KLF8: variants seen among roughly 807,000 people sequenced by gnomAD.
KLF8 encodes the protein Krueppel-like factor 8.
Under a neutral mutation model 18.2 loss-of-function variants are expected in KLF8, and 10 were observed. That is an observed-to-expected ratio of 0.55 (90% CI 0.34 to 0.93). The LOEUF (loss-of-function observed/expected upper bound fraction) is 0.93. Among genes scored for constraint, KLF8 ranks in the 40% least tolerant of loss-of-function variants. The pLI, the probability that KLF8 is intolerant of heterozygous loss-of-function variation, is 0.02. For synonymous variants in KLF8, 109 were observed against 97.3 expected (o/e 1.12, Z -0.71); for missense variants, 264 against 277.9 (o/e 0.95, Z 0.36).
the KLF8 span, among the ~76,000 whole-genome samples, chrX:55,996,480 C>G: frequency 1.8e-5 from 2 of 111,928 alleles, no homozygotes; most frequent in East Asian, 5.6e-4. Context: ...TCTTTCTCAT[C>G]TGTGTGGGAT....
the KLF8 span, among the ~76,000 whole-genome samples, chrX:56,068,991 T>C: frequency 8.9e-6 from 1 of 111,920 alleles, no homozygotes; most frequent in African/African-American, 3.2e-5. Context: ...CCACCCACCC[T>C]GACCACTATT....
the KLF8 span, among the ~76,000 whole-genome samples, chrX:56,029,507 A>G: frequency 1.6e-4 from 18 of 111,067 alleles, no homozygotes; most frequent in East Asian, 2.6e-3. Context: ...TGGGGTGGTT[A>G]CTACTGAGTG....
chrX:55,997,505 T>A, the KLF8 span, among the ~76,000 whole-genome samples: 354 of 111,632 alleles, frequency 3.2e-3, 1 homozygote, highest in Non-Finnish European at 5.4e-3. Flanking sequence ...TAGGAGCCAC[T>A]CAGGGCCAGT....
At chrX:56,186,854 A>C in the KLF8 span, among the ~76,000 whole-genome samples, 1 of 112,151 alleles carries the variant, frequency 8.9e-6, no homozygotes, top group East Asian at 2.8e-4. Context: ...ACATACCAGA[A>C]TCTCTGGGCA....
chrX:56,246,819 G>A (rs1271582100), intron 1 of KLF8, among the ~76,000 whole-genome samples: 1 of 111,181 alleles, frequency 9.0e-6, no homozygotes, highest in African/African-American at 3.3e-5. Flanking sequence ...CTGGGTTTAT[G>A]GTGGTGCTAG....
chrX:55,999,348 G>A, the KLF8 span, among the ~76,000 whole-genome samples: 2 of 64,034 alleles, frequency 3.1e-5, no homozygotes, highest in Non-Finnish European at 6.0e-5. Flanking sequence ...CCTGTCAATT[G>A]TAGGATTTTT....
the KLF8 span, among the ~76,000 whole-genome samples, chrX:56,178,195 C>T: frequency 4.0e-4 from 45 of 112,344 alleles, no homozygotes; most frequent in South Asian, 2.9e-3. Context: ...GCTTCGCTCA[C>T]GCTGGGAGCT....
At chrX:55,936,270 T>A in the KLF8 span, among the ~76,000 whole-genome samples, 1 of 112,282 alleles carries the variant, frequency 8.9e-6, no homozygotes, top group Non-Finnish European at 1.9e-5. Context: ...CCAAAGTTCA[T>A]CACTCATCAT....
At chrX:56,234,330 G>A (rs761916239) in intron 1 of KLF8, among the ~76,000 whole-genome samples, 8 of 111,652 alleles carry the variant, frequency 7.2e-5, no homozygotes, top group Non-Finnish European at 1.1e-4. Flanking sequence ...ATCACCCTGG[G>A]CCTTGCTTTT....
chrX:56,022,551 CAAAAAAAAAA>C, the KLF8 span, among the ~76,000 whole-genome samples: 1 of 27,310 alleles, frequency 3.7e-5, no homozygotes, highest in African/African-American at 1.0e-4. Context: ...TCTGTCTGAC[CAAAAAAAAAA>C]AAAAAAAGAA....
At chrX:56,187,260 C>G in the KLF8 span, among the ~76,000 whole-genome samples, 3 of 111,870 alleles carry the variant, frequency 2.7e-5, no homozygotes, top group Non-Finnish European at 5.6e-5. Flanking sequence ...CGCAAATAAA[C>G]TAGAAAATCT....
chrX:55,922,353 AAC>A, the KLF8 span, among the ~76,000 whole-genome samples: 3 of 112,628 alleles, frequency 2.7e-5, no homozygotes, highest in East Asian at 5.6e-4. Context: ...TCAGCAAACT[AAC>A]ACAGGAACGG....
chrX:55,929,377 T>C, the KLF8 span, among the ~76,000 whole-genome samples: 3 of 112,426 alleles, frequency 2.7e-5, no homozygotes. Context: ...TTGAATTAGA[T>C]CCCATTTGTC....
chrX:56,033,203 C>G, the KLF8 span, among the ~76,000 whole-genome samples: 3 of 111,161 alleles, frequency 2.7e-5, no homozygotes, highest in South Asian at 1.1e-3. Context: ...CCTCTGATAG[C>G]CACCATTCTA....
chrX:56,120,205 C>G, the KLF8 span, among the ~76,000 whole-genome samples: 1 of 110,931 alleles, frequency 9.0e-6, no homozygotes, highest in Non-Finnish European at 1.9e-5. Flanking sequence ...ACTGCCTTGT[C>G]TCCTTTTTCT....
the KLF8 span, among the ~76,000 whole-genome samples, chrX:56,052,976 G>C: frequency 5.4e-5 from 6 of 111,946 alleles, no homozygotes; most frequent in Non-Finnish European, 1.1e-4. Context: ...GTGGTGGGCC[G>C]TTTTTTAAGC....
At chrX:55,968,116 C>CA in the KLF8 span, among the ~76,000 whole-genome samples, 1 of 110,847 alleles carries the variant, frequency 9.0e-6, no homozygotes, top group Admixed American at 9.6e-5. Flanking sequence ...CACTATAGAC[C>CA]AAATGTGTCT....
the KLF8 span, among the ~76,000 whole-genome samples, chrX:56,180,116 G>A: frequency 5.4e-5 from 6 of 111,411 alleles, no homozygotes; most frequent in African/African-American, 2.0e-4. Flanking sequence ...GAATCCGTCT[G>A]ATCCTGGACT....
At chrX:56,118,825 G>C in the KLF8 span, among the ~76,000 whole-genome samples, 3 of 111,729 alleles carry the variant, frequency 2.7e-5, no homozygotes, top group East Asian at 8.5e-4. Flanking sequence ...CAGCTCTGCT[G>C]GTCTGAAGTT....
Sources: gnomAD v4.1 joint callset for allele counts (sites outside exome capture counted in the v4.1 genomes callset) on GRCh38, gnomAD v4.1.1 for gene constraint, MANE v1.5 for transcripts, NCBI Gene and HGNC (gene_info 2026-07-23, HGNC 2026-07-21) for gene names.